TAFA2: variants seen among roughly 807,000 people sequenced by gnomAD.
TAFA2 encodes TAFA chemokine like family member 2.
A neutral mutation model predicts 18.8 loss-of-function variants in TAFA2; 7 were observed. The observed-to-expected ratio is 0.37, with a 90% CI of 0.21 to 0.70. TAFA2 has a LOEUF of 0.70. TAFA2 is among the 30% of genes least tolerant of loss of function. The pLI is 0.53. For synonymous variants in TAFA2, 60 were observed against 54.2 expected, an observed-to-expected ratio of 1.11 and a Z score of -0.47; for missense variants, 122 against 158.1, an observed-to-expected ratio of 0.77 and a Z score of 1.23.
At chr12:62,001,784 A>G (rs941214228) in intron 1 of TAFA2, among the ~76,000 whole-genome samples, 1 of 152,188 alleles carries the variant, frequency 6.6e-6, no homozygotes, top group African/African-American at 2.4e-5. Flanking sequence ...AATGATTCAC[A>G]TTATATATCA....
At chr12:62,047,180 T>C (rs1881931728) in intron 1 of TAFA2, among the ~76,000 whole-genome samples, 1 of 152,098 alleles carries the variant, frequency 6.6e-6, no homozygotes, top group Non-Finnish European at 1.5e-5. Context: ...TGATGTCTAT[T>C]CAGCACCTAA....
intron 1 of TAFA2, among the ~76,000 whole-genome samples, chr12:61,981,391 A>T (rs937502338): frequency 1.3e-5 from 2 of 152,234 alleles, no homozygotes; most frequent in African/African-American, 2.4e-5. Context: ...TTCAGGACAT[A>T]GGCATGGGCA....
At chr12:62,207,476 A>G (rs2062697007) in intron 1 of TAFA2, among the ~76,000 whole-genome samples, 1 of 152,024 alleles carries the variant, frequency 6.6e-6, no homozygotes, top group African/African-American at 2.4e-5. Flanking sequence ...ACACAAACAC[A>G]CACACACACA....
chr12:61,958,909 T>C (rs964367798), intron 1 of TAFA2, among the ~76,000 whole-genome samples: 2 of 152,072 alleles, frequency 1.3e-5, no homozygotes, highest in African/African-American at 4.8e-5. Context: ...TTCATATATT[T>C]CAGTCTGCCT....
At chr12:62,179,485 C>A (rs1014856350) in intron 1 of TAFA2, among the ~76,000 whole-genome samples, 3 of 152,090 alleles carry the variant, frequency 2.0e-5, no homozygotes, top group Non-Finnish European at 4.4e-5. Context: ...TGATAGCTAT[C>A]TGTGGCAGTG....
At chr12:61,834,686 T>C (rs573886050) in intron 2 of TAFA2, among the ~76,000 whole-genome samples, 7 of 152,036 alleles carry the variant, frequency 4.6e-5, no homozygotes, top group Non-Finnish European at 1.0e-4. Flanking sequence ...CTTCAAACAG[T>C]GACAACCTTG....
intron 1 of TAFA2, among the ~76,000 whole-genome samples, chr12:62,009,885 C>G (rs1880673245): frequency 6.6e-6 from 1 of 152,174 alleles, no homozygotes; most frequent in South Asian, 2.1e-4. Context: ...TCTTCAGACA[C>G]TGATAGGAAT....
chr12:62,076,413 T>C (rs930422437), intron 1 of TAFA2, among the ~76,000 whole-genome samples: 9 of 152,210 alleles, frequency 5.9e-5, no homozygotes, highest in Non-Finnish European at 1.2e-4. Flanking sequence ...AAAAGCTTTT[T>C]TGAAAATCAC....
chr12:62,139,236 A>T (rs927010840), intron 1 of TAFA2, among the ~76,000 whole-genome samples: 3 of 152,218 alleles, frequency 2.0e-5, no homozygotes, highest in Non-Finnish European at 4.4e-5. Context: ...AGTCAGCAAG[A>T]TAGTCAGTAT....
chr12:62,165,222 T>A (rs1238904418), intron 1 of TAFA2, among the ~76,000 whole-genome samples: 1 of 152,122 alleles, frequency 6.6e-6, no homozygotes, highest in African/African-American at 2.4e-5. Flanking sequence ...ACCTTTCTGC[T>A]GCATTTAGCA....
chr12:61,976,216 T>C (rs1879429262), intron 1 of TAFA2, among the ~76,000 whole-genome samples: 1 of 151,878 alleles, frequency 6.6e-6, no homozygotes, highest in Non-Finnish European at 1.5e-5. Flanking sequence ...TTTTCTTCAC[T>C]GAGCCTCTGT....
At chr12:61,876,190 G>A (rs1039602044) in intron 1 of TAFA2, among the ~76,000 whole-genome samples, 1 of 152,018 alleles carries the variant, frequency 6.6e-6, no homozygotes. Context: ...TATTTCTTCA[G>A]TCTATTATCA....
chr12:62,004,507 C>T (rs1457266874), intron 1 of TAFA2, among the ~76,000 whole-genome samples: 1 of 152,022 alleles, frequency 6.6e-6, no homozygotes, highest in African/African-American at 2.4e-5. Flanking sequence ...AAAATAGCTG[C>T]ACTGTAAAGT....
At chr12:61,717,434 G>C (rs1383495148) in intron 4 of TAFA2, among the ~76,000 whole-genome samples, 1 of 152,150 alleles carries the variant, frequency 6.6e-6, no homozygotes, top group Non-Finnish European at 1.5e-5. Context: ...GTGACTCCTA[G>C]AGACCTGAAA....
At chr12:62,109,594 G>C (rs1301196398) in intron 1 of TAFA2, among the ~76,000 whole-genome samples, 2 of 152,122 alleles carry the variant, frequency 1.3e-5, no homozygotes, top group African/African-American at 2.4e-5. Context: ...TCACAATATT[G>C]ATTCTTCCTA....
intron 1 of TAFA2, among the ~76,000 whole-genome samples, chr12:61,891,995 G>T (rs1200357136): frequency 6.6e-6 from 1 of 151,368 alleles, no homozygotes; most frequent in South Asian, 2.1e-4. Context: ...GCATAGACTT[G>T]TAGGGGGTAA....
chr12:61,984,376 AT>A (rs1393167869), intron 1 of TAFA2, among the ~76,000 whole-genome samples: 2 of 152,240 alleles, frequency 1.3e-5, no homozygotes, highest in Non-Finnish European at 2.9e-5. Flanking sequence ...CGGTCTTGTC[AT>A]TCACGTAGCT....
At chr12:61,883,627 A>T (rs1332748354) in intron 1 of TAFA2, among the ~76,000 whole-genome samples, 1 of 152,174 alleles carries the variant, frequency 6.6e-6, no homozygotes, top group Non-Finnish European at 1.5e-5. Flanking sequence ...TGAAGAAGGG[A>T]TTATAGTGGC....
intron 1 of TAFA2, among the ~76,000 whole-genome samples, chr12:62,198,626 G>A (rs1400385859): frequency 1.3e-5 from 2 of 152,054 alleles, no homozygotes; most frequent in East Asian, 1.9e-4. Flanking sequence ...TGTTAACCAA[G>A]TTATTTCTAA....
Sources: gnomAD v4.1 joint callset for allele counts (sites outside exome capture counted in the v4.1 genomes callset) on GRCh38, gnomAD v4.1.1 for gene constraint, MANE v1.5 for transcripts, NCBI Gene and HGNC (gene_info 2026-07-23, HGNC 2026-07-21) for gene names.